The following MACROD2 variants were observed in gnomAD, a reference collection of about 807,000 sequenced individuals.
The protein encoded by MACROD2 is ADP-ribose glycohydrolase MACROD2.
In MACROD2, 36 loss-of-function variants were observed where a neutral mutation model predicts 70.4. The ratio of observed to expected loss-of-function variants is 0.51; its 90% CI spans 0.39 to 0.68. The LOEUF is 0.68. MACROD2 is among the 30% of genes least tolerant of loss of function. The pLI is 0.00. For synonymous variants in MACROD2, 172 were observed against 178.8 expected (o/e 0.96, Z 0.30); for missense variants, 496 against 538.4 (o/e 0.92, Z 0.78).
In MACROD2 at chr20:14,542,672, A is replaced by T. The variant is rs557334922; in HGVS notation, c.301+49164A>T. Among the ~76,000 whole-genome samples, 3 of 152,322 alleles carry T rather than the reference A, an allele frequency of 2.0e-5. No individual in the cohort carries two copies. The South Asian group carries it at 6.2e-4, about 32-fold the overall frequency. ...TCTCTTTGAAATGTACCAAAATCAG[A>T]TGGATTAAACAATGGATTGAAGGAT... On this transcript the variant is annotated intron_variant, in intron 4 of 17. Transcript: ENST00000684519.
Position 14,391,441 on chromosome 20 carries a change from AG to A in MACROD2, c.272-102034del, listed in dbSNP as rs1235954270. Among the ~76,000 whole-genome samples, 5 of 152,172 alleles carry A rather than the reference AG, an allele frequency of 3.3e-5. No homozygotes were observed. The East Asian group carries it at 9.7e-4, about 30-fold the overall frequency. ...ATGATGAGAACAAATGGATACACGG[AG>A]GGGAACAACACACACTGGGGCTAAT... On this transcript the variant is annotated intron_variant, in intron 3 of 17. Coordinates refer to ENST00000684519, the MANE Select transcript of MACROD2 (RefSeq NM_001351661.2).
At chr20:15,546,939 G>C (rs76521505) in intron 8 of MACROD2, among the ~76,000 whole-genome samples, 5,862 of 152,256 alleles carry the variant, frequency 0.039, 127 homozygotes, top group East Asian at 0.045. Flanking sequence ...ATTCTGGTGA[G>C]TGAACAAAAT....
intron 3 of MACROD2, among the ~76,000 whole-genome samples, chr20:14,139,136 C>CA (rs1461986728): frequency 6.6e-6 from 1 of 152,086 alleles, no homozygotes; most frequent in East Asian, 1.9e-4. Context: ...ATAAACACAG[C>CA]AAAATAATAT....
intron 6 of MACROD2, among the ~76,000 whole-genome samples, chr20:15,346,946 T>A (rs1320351752): frequency 6.6e-6 from 1 of 152,132 alleles, no homozygotes; most frequent in Non-Finnish European, 1.5e-5. Context: ...CAAAGCTGGC[T>A]TGGGTAGCTG....
intron 1 of MACROD2, among the ~76,000 whole-genome samples, chr20:14,001,722 C>T (rs1040482591): frequency 3.3e-5 from 5 of 151,896 alleles, no homozygotes; most frequent in South Asian, 2.1e-4. Context: ...CAAGATGAAG[C>T]GGAGGGAGCT....
intron 4 of MACROD2, among the ~76,000 whole-genome samples, chr20:14,649,633 A>G (rs574463453): frequency 6.6e-6 from 1 of 152,294 alleles, no homozygotes; most frequent in African/African-American, 2.4e-5. Flanking sequence ...GAGCTTGGTC[A>G]TGGGGCTGGC....
intron 3 of MACROD2, among the ~76,000 whole-genome samples, chr20:14,440,766 C>CT (rs1224704249): frequency 4.6e-5 from 7 of 152,136 alleles, no homozygotes. Context: ...GCATTAATAC[C>CT]ATGGGATCTC....
In MACROD2 at chr20:14,855,597, GTT is replaced by G. The variant is rs71190156; in HGVS notation, c.418+170667_418+170668del. Among the ~76,000 whole-genome samples, 707 of 77,144 alleles carry G rather than the reference GTT, an allele frequency of 9.2e-3. 4 individuals carry two copies. The highest frequency in any genetic ancestry group is 0.013 in the African/African-American group (245 of 18,800). 50.6% of individuals were successfully genotyped at this position (77,144 alleles called of 152,430 possible). A position where few individuals can be genotyped will look rare whatever the true frequency, so the allele number is the denominator to read the frequency against. ...TTCAGAATTTTAGTGATCCTACCAA[GTT>G]TTTTTTTTTTTTTTTTTTTTTTTTT... On this transcript the variant is annotated intron_variant, in intron 5 of 17. Coordinates refer to ENST00000684519, the MANE Select transcript of MACROD2 (RefSeq NM_001351661.2).
intron 14 of MACROD2, 84 bp downstream of exon 14, chr20:15,986,885 G>GTGTGTGT: frequency 9.1e-7 from 1 of 1,104,908 alleles, no homozygotes; most frequent in South Asian, 1.4e-5. Context: ...GTGTGTGCGT[G>GTGTGTGT]GTGTGTGTGT....
At chr20:14,341,677 T>C (rs1013182394) in intron 3 of MACROD2, among the ~76,000 whole-genome samples, 8 of 152,162 alleles carry the variant, frequency 5.3e-5, no homozygotes, top group Admixed American at 4.6e-4. Flanking sequence ...ATACTTTTGA[T>C]AGATTAAATG....
intron 3 of MACROD2, among the ~76,000 whole-genome samples, chr20:14,460,424 G>T (rs1162170513): frequency 6.6e-6 from 1 of 152,076 alleles, no homozygotes; most frequent in African/African-American, 2.4e-5. Flanking sequence ...CATTCTAACT[G>T]GTGTGAGATG....
chr20:15,981,745 C>T (rs904655779), intron 13 of MACROD2, among the ~76,000 whole-genome samples: 69 of 151,996 alleles, frequency 4.5e-4, no homozygotes, highest in Non-Finnish European at 7.4e-5. Context: ...AGGGTCTAGT[C>T]TTTTTCTATC....
chr20:15,891,904 G>A (rs2064894852), intron 10 of MACROD2, among the ~76,000 whole-genome samples: 1 of 152,128 alleles, frequency 6.6e-6, no homozygotes, highest in African/African-American at 2.4e-5. Context: ...GTGAAGTGTG[G>A]GGCATAGTTA....
At chr20:15,509,197 T>C (rs933370404) in intron 8 of MACROD2, among the ~76,000 whole-genome samples, 1 of 152,236 alleles carries the variant, frequency 6.6e-6, no homozygotes, top group South Asian at 2.1e-4. Flanking sequence ...ATTAGAGTGC[T>C]TTTTATAAAA....
chr20:14,716,843 T>A (rs1360658381), intron 5 of MACROD2, among the ~76,000 whole-genome samples: 1 of 152,174 alleles, frequency 6.6e-6, no homozygotes, highest in African/African-American at 2.4e-5. Context: ...TGTATGCAAA[T>A]GTTCCATTAT....
At chr20:14,584,838 T>C (rs1173229511) in intron 4 of MACROD2, among the ~76,000 whole-genome samples, 2 of 152,200 alleles carry the variant, frequency 1.3e-5, no homozygotes, top group African/African-American at 4.8e-5. Flanking sequence ...AACTAGAAAT[T>C]ATTGTCAGTT....
chr20:15,942,269 T>G (rs906126980), intron 12 of MACROD2, among the ~76,000 whole-genome samples: 12 of 152,162 alleles, frequency 7.9e-5, no homozygotes, highest in Non-Finnish European at 1.3e-4. Context: ...TGATGACACC[T>G]GTTCCCAATG....
intron 5 of MACROD2, among the ~76,000 whole-genome samples, chr20:15,013,630 A>G (rs1438583272): frequency 1.3e-5 from 2 of 152,092 alleles, no homozygotes; most frequent in African/African-American, 2.4e-5. Flanking sequence ...TGGAAGGTCA[A>G]CCCATCTTCA....
intron 4 of MACROD2, among the ~76,000 whole-genome samples, chr20:14,595,552 T>G (rs1982070642): frequency 6.6e-6 from 1 of 152,234 alleles, no homozygotes; most frequent in African/African-American, 2.4e-5. Context: ...TGTGACTATA[T>G]AAAATTTCTT....
Sources: gnomAD v4.1 joint callset for allele counts (sites outside exome capture counted in the v4.1 genomes callset) on GRCh38, gnomAD v4.1.1 for gene constraint, MANE v1.5 for transcripts, NCBI Gene and HGNC (gene_info 2026-07-23, HGNC 2026-07-21) for gene names.